The following TMEM131L variants were observed in gnomAD, a reference collection of about 807,000 sequenced individuals.
TMEM131L encodes transmembrane 131 like, also known as transmembrane protein 131-like.
Under a neutral mutation model 192.2 loss-of-function variants are expected in TMEM131L, and 54 were observed. The observed-to-expected ratio is 0.28, with a 90% confidence interval of 0.23 to 0.35. The LOEUF (loss-of-function observed/expected upper bound fraction) is 0.35, where lower values mean the gene tolerates loss of function less well. TMEM131L is among the 10% of genes least tolerant of loss of function. The probability of loss-of-function intolerance (pLI) is 1.00; values close to 1 mark genes in which losing one functional copy is unlikely to be tolerated. For missense variants in TMEM131L, 1,888 were observed against 1,972.9 expected (o/e 0.96, Z 0.82); for synonymous variants, 701 against 704.9 (o/e 0.99, Z 0.09).
intron 7 of TMEM131L, among the ~76,000 whole-genome samples, chr4:153,578,302 G>T (rs541991154): frequency 1.8e-4 from 28 of 152,228 alleles, no homozygotes; most frequent in Non-Finnish European, 3.7e-4. Flanking sequence ...GCTGCATTGC[G>T]CTATGATTGT....
intron 3 of TMEM131L, among the ~76,000 whole-genome samples, chr4:153,546,950 T>A (rs1737225090): frequency 6.6e-6 from 1 of 152,122 alleles, no homozygotes; most frequent in South Asian, 2.1e-4. Flanking sequence ...AAACAAATAT[T>A]TGAAACATAT....
At chr4:153,520,044 T>C (rs1580124162) in intron 3 of TMEM131L, among the ~76,000 whole-genome samples, 1 of 152,274 alleles carries the variant, frequency 6.6e-6, no homozygotes, top group East Asian at 1.9e-4. Context: ...GTAGACTTGC[T>C]TCCATATCTG....
At chr4:153,573,874 T>C (rs1300011299) in intron 7 of TMEM131L, among the ~76,000 whole-genome samples, 1 of 152,224 alleles carries the variant, frequency 6.6e-6, no homozygotes, top group Non-Finnish European at 1.5e-5. Flanking sequence ...CCCCCAAGCA[T>C]CTAAATTATT....
intron 3 of TMEM131L, among the ~76,000 whole-genome samples, chr4:153,534,582 T>C (rs572221017): frequency 1.3e-5 from 2 of 152,276 alleles, no homozygotes; most frequent in South Asian, 2.1e-4. Flanking sequence ...TACAGGCGTG[T>C]GCTACCACGC....
chr4:153,636,651 T>C lies in TMEM131L; in HGVS notation c.*75T>C. On this transcript the variant is annotated 3_prime_UTR_variant, in exon 35 of 35. Coordinates refer to ENST00000409959, the MANE Select transcript of TMEM131L (RefSeq NM_001131007.2). ...TACTAGTGTAAACTGGTTATTGAGA[T>C]AGATTATGACATTGGTGGATATTTT... 1 of 1,431,050 alleles carries C rather than the reference T, an allele frequency of 7.0e-7. No homozygotes were observed. Among genetic ancestry groups the C allele is most frequent in the Non-Finnish European group, 9.6e-7 (1 of 1,045,966 alleles). The allele number at this position is 1,431,050 out of a possible 1,614,324, so 88.6% of individuals were successfully genotyped here. A position where few individuals can be genotyped will look rare whatever the true frequency, so the allele number is the denominator to read the frequency against.
At chr4:153,488,116 T>A (rs545422461) in intron 3 of TMEM131L, among the ~76,000 whole-genome samples, 3 of 148,026 alleles carry the variant, frequency 2.0e-5, no homozygotes, top group South Asian at 2.2e-4. Context: ...TGTGTGTGTG[T>A]GAGAGAGAGA....
At chr4:153,563,397 G>A (rs769869932) in intron 7 of TMEM131L, among the ~76,000 whole-genome samples, 2 of 148,994 alleles carry the variant, frequency 1.3e-5, no homozygotes, top group Non-Finnish European at 3.0e-5. Context: ...TTTTGCTGCT[G>A]CAAACTTAGC....
In TMEM131L at chr4:153,488,008, A is replaced by AG. The variant is rs1257743311; in HGVS notation, c.239+14120_239+14121insG. Among the ~76,000 whole-genome samples, 17 of 147,310 alleles carry AG rather than the reference A, an allele frequency of 1.2e-4. 1 individual carries two copies. The highest frequency in any genetic ancestry group is 2.3e-4 in the African/African-American group (9 of 39,100). On this transcript the variant is annotated intron_variant, in intron 3 of 34. Transcript: ENST00000409959. ...GTGTGTTTGTGTATGTATGAGAGAC[A>AG]AGAGAGACTCTTGTGAGCCTATGAC...
chr4:153,520,192 C>T (rs549533434), intron 3 of TMEM131L, among the ~76,000 whole-genome samples: 299 of 152,202 alleles, frequency 2.0e-3, no homozygotes, highest in African/African-American at 6.9e-3. Flanking sequence ...TGGCTCACGC[C>T]TGTTGTTATC....
At chr4:153,495,981 C>T (rs996067804) in intron 3 of TMEM131L, among the ~76,000 whole-genome samples, 6 of 151,986 alleles carry the variant, frequency 3.9e-5, no homozygotes, top group Admixed American at 6.6e-5. Flanking sequence ...CTTAAAGGGG[C>T]GGATGTCAGC....
At chr4:153,475,126 C>T (rs1731437322) in intron 3 of TMEM131L, among the ~76,000 whole-genome samples, 1 of 152,198 alleles carries the variant, frequency 6.6e-6, no homozygotes, top group Non-Finnish European at 1.5e-5. Context: ...CTGCTGTTGG[C>T]TTCATCTTGG....
intron 18 of TMEM131L, among the ~76,000 whole-genome samples, chr4:153,593,349 T>A (rs1346964876): frequency 6.6e-6 from 1 of 152,136 alleles, no homozygotes; most frequent in Non-Finnish European, 1.5e-5. Context: ...TGTTGAAGGA[T>A]GTTTAGCAGC....
chr4:153,619,185 G>C (rs957900952), intron 26 of TMEM131L, among the ~76,000 whole-genome samples: 3 of 152,138 alleles, frequency 2.0e-5, no homozygotes, highest in African/African-American at 7.2e-5. Flanking sequence ...CGCTTTCTCA[G>C]ACCCCACTGA....
intron 11 of TMEM131L, among the ~76,000 whole-genome samples, chr4:153,584,461 G>A (rs1730569274): frequency 6.6e-6 from 1 of 152,210 alleles, no homozygotes; most frequent in South Asian, 2.1e-4. Flanking sequence ...GAGCTTAAAA[G>A]TATTATTTTG....
chr4:153,585,618 A>T lies in TMEM131L; in HGVS notation c.1311+7A>T, dbSNP rs758732445. Reference sequence around the variant, plus strand: ...GACCAAGCACATGTTAAAGGTACATATAGTATTTTTTCCCCAAGTTTTAGC... The same window carrying T: ...GACCAAGCACATGTTAAAGGTACATTTAGTATTTTTTCCCCAAGTTTTAGC... On this transcript the variant is annotated splice_region_variant and intron_variant, in intron 13 of 34. Transcript: ENST00000409959. The T allele has an allele frequency of 6.3e-7, 1 of 1,576,812 alleles. No homozygotes were observed. The highest frequency in any genetic ancestry group is 1.8e-5 in the Admixed American group (1 of 56,676).
rs150290479 is a variant in TMEM131L, at chr4:153,535,914, C to T, written c.240-14159C>T. 3.2e-3 allele frequency among the ~76,000 whole-genome samples: 492 copies of T among 152,276 alleles called. 5 individuals are homozygous for T. Among genetic ancestry groups the T allele is most frequent in the African/African-American group, 0.011 (464 of 41,546 alleles). On this transcript the variant is annotated intron_variant, in intron 3 of 34. Coordinates refer to ENST00000409959, the MANE Select transcript of TMEM131L (RefSeq NM_001131007.2). ...TCCTTTTGTTTACTTGTCACGGCAA[C>T]GGCAGCACTTTTTTCATGTTGCTGT...
intron 19 of TMEM131L, among the ~76,000 whole-genome samples, chr4:153,594,727 A>T (rs922272272): frequency 3.3e-5 from 5 of 152,162 alleles, no homozygotes. Flanking sequence ...ACCCATTACC[A>T]CAGACTCTCC....
At chr4:153,620,913 T>A (rs766117943) in intron 27 of TMEM131L, 33 bp downstream of exon 27, 3 of 1,541,016 alleles carry the variant, frequency 1.9e-6, no homozygotes, top group Non-Finnish European at 2.6e-6. Context: ...AATATTTTGA[T>A]CTATTTTTCA....
chr4:153,587,847 T>G, intron 15 of TMEM131L, 36 bp downstream of exon 15: 44 of 1,417,412 alleles, frequency 3.1e-5, no homozygotes, highest in Non-Finnish European at 4.0e-5. Context: ...TGTAGATCTC[T>G]AGTTTGGGGG....
Sources: allele counts gnomAD v4.1 joint callset (sites outside exome capture counted in the v4.1 genomes callset), GRCh38; gene constraint gnomAD v4.1.1; transcripts MANE v1.5; gene names NCBI Gene and HGNC (gene_info 2026-07-23, HGNC 2026-07-21).